Variants in CUL3 observed in about 807,000 individuals in gnomAD.
The protein encoded by CUL3 is cullin-3.
Under a neutral mutation model 89.1 loss-of-function variants are expected in CUL3, and 19 were observed. That is an observed-to-expected ratio of 0.21 (90% CI 0.15 to 0.31). CUL3 has a LOEUF of 0.31. Among genes scored for constraint, CUL3 ranks in the 10% least tolerant of loss-of-function variants. The pLI is 1.00. For missense variants in CUL3, 469 were observed against 942.3 expected, an observed-to-expected ratio of 0.50 and a Z score of 6.58; for synonymous variants, 351 against 308.4, an observed-to-expected ratio of 1.14 and a Z score of -1.45.
At chr2:224,543,454 G>GT (rs1300119192) in intron 2 of CUL3, among the ~76,000 whole-genome samples, 1 of 152,116 alleles carries the variant, frequency 6.6e-6, no homozygotes, top group African/African-American at 2.4e-5. Context: ...TAAATCTATA[G>GT]TATTTTAACA....
intron 1 of CUL3, among the ~76,000 whole-genome samples, chr2:224,577,166 T>C (rs1031249092): frequency 6.6e-6 from 1 of 152,252 alleles, no homozygotes; most frequent in Non-Finnish European, 1.5e-5. Context: ...AGTTCTATTT[T>C]AAAGCTTTAT....
In CUL3 at chr2:224,585,298, C is replaced by T. The variant is rs538985622; in HGVS notation, c.-289G>A. On this transcript the variant is annotated 5_prime_UTR_variant, in exon 1 of 16. Coordinates refer to ENST00000264414, the MANE Select transcript of CUL3 (RefSeq NM_003590.5). ...CCGGCTCGGCTCCCTTTATCGCGCT[C>T]CTCCGCGATGGCGGCGGCGGCGGCG... The T allele has an allele frequency of 2.1e-3, 855 of 401,188 alleles. 9 individuals are homozygous for T. The highest frequency in any genetic ancestry group is 8.9e-3 in the African/African-American group (431 of 48,486). 24.9% of individuals were successfully genotyped at this position (401,188 alleles called of 1,614,324 possible). A position where few individuals can be genotyped will look rare whatever the true frequency, so the allele number is the denominator to read the frequency against.
At chr2:224,572,422 A>C (rs1202280148) in intron 1 of CUL3, among the ~76,000 whole-genome samples, 1 of 151,584 alleles carries the variant, frequency 6.6e-6, no homozygotes, top group African/African-American at 2.4e-5. Flanking sequence ...AAGTGTGTGG[A>C]TCATTTCAGC....
intron 13 of CUL3, among the ~76,000 whole-genome samples, chr2:224,491,504 T>C (rs1691975053): frequency 6.6e-6 from 1 of 152,216 alleles, no homozygotes; most frequent in Admixed American, 6.5e-5. Context: ...AATCATATTA[T>C]CTACAGATTT....
chr2:224,579,275 C>T (rs913268231), intron 1 of CUL3, among the ~76,000 whole-genome samples: 2 of 152,114 alleles, frequency 1.3e-5, no homozygotes, highest in Non-Finnish European at 2.9e-5. Flanking sequence ...GAATCTGTTT[C>T]ACTTTGTTTC....
chr2:224,521,272 T>C (rs1302912086), intron 3 of CUL3, among the ~76,000 whole-genome samples: 1 of 152,196 alleles, frequency 6.6e-6, no homozygotes, highest in Non-Finnish European at 1.5e-5. Flanking sequence ...TAACTATGAG[T>C]AAACAGGTGT....
intron 2 of CUL3, among the ~76,000 whole-genome samples, chr2:224,539,768 CAA>C (rs796875829): frequency 5.4e-5 from 7 of 130,466 alleles, no homozygotes; most frequent in Admixed American, 7.7e-5. Context: ...AAAGAGAGAG[CAA>C]AAAAAAAAAA....
chr2:224,563,145 T>C, intron 1 of CUL3: 1 of 432,964 alleles, frequency 2.3e-6, no homozygotes, highest in South Asian at 1.8e-5. Context: ...AATATACAGA[T>C]ATGAGCTAAA....
At chr2:224,533,369 C>A (rs1479635093) in intron 3 of CUL3, among the ~76,000 whole-genome samples, 1 of 151,924 alleles carries the variant, frequency 6.6e-6, no homozygotes, top group Non-Finnish European at 1.5e-5. Flanking sequence ...ATATTATTTT[C>A]ATTTTATAGA....
intron 13 of CUL3, among the ~76,000 whole-genome samples, chr2:224,491,227 A>G (rs1035508075): frequency 1.3e-5 from 2 of 152,178 alleles, no homozygotes; most frequent in African/African-American, 4.8e-5. Flanking sequence ...ACTTTTAAAA[A>G]CAGCACACTT....
intron 1 of CUL3, among the ~76,000 whole-genome samples, chr2:224,575,034 G>C (rs1042198131): frequency 6.6e-6 from 1 of 152,190 alleles, no homozygotes; most frequent in African/African-American, 2.4e-5. Context: ...ACAGGAAAAA[G>C]ACATTTTCCT....
chr2:224,570,725 C>T (rs1449963874), intron 1 of CUL3, among the ~76,000 whole-genome samples: 10 of 152,140 alleles, frequency 6.6e-5, no homozygotes. Flanking sequence ...GATCGACATT[C>T]AATTGGGCTC....
At chr2:224,555,130 A>G (rs1694654702) in intron 2 of CUL3, among the ~76,000 whole-genome samples, 1 of 152,166 alleles carries the variant, frequency 6.6e-6, no homozygotes, top group Non-Finnish European at 1.5e-5. Flanking sequence ...GCATCTTACT[A>G]TGATCTCACA....
chr2:224,555,664 C>G (rs534728824), intron 2 of CUL3, among the ~76,000 whole-genome samples: 10 of 152,292 alleles, frequency 6.6e-5, no homozygotes, highest in Admixed American at 1.3e-4. Context: ...TACTTACCAC[C>G]TAAGTTTAAC....
At chr2:224,488,370 C>A (rs186161729) in intron 13 of CUL3, among the ~76,000 whole-genome samples, 293 of 151,812 alleles carry the variant, frequency 1.9e-3, no homozygotes, top group African/African-American at 6.5e-3. Flanking sequence ...GATAAGACTG[C>A]TAACCAGACT....
chr2:224,551,189 GCCA>G (rs1401319017), intron 2 of CUL3, among the ~76,000 whole-genome samples: 1 of 150,176 alleles, frequency 6.7e-6, no homozygotes, highest in Non-Finnish European at 1.5e-5. Context: ...ACAGGTGTGT[GCCA>G]CCAAGCCCGG....
chr2:224,571,232 C>G (rs1244927855), intron 1 of CUL3, among the ~76,000 whole-genome samples: 1 of 151,938 alleles, frequency 6.6e-6, no homozygotes, highest in Non-Finnish European at 1.5e-5. Flanking sequence ...ACTTACAGAC[C>G]CTCTATATTA....
intron 1 of CUL3, among the ~76,000 whole-genome samples, chr2:224,582,710 G>A (rs1304090311): frequency 6.6e-6 from 1 of 152,096 alleles, no homozygotes; most frequent in African/African-American, 2.4e-5. Context: ...ATCACACAAC[G>A]TTATTATACT....
At chr2:224,554,346 T>C (rs1694625462) in intron 2 of CUL3, among the ~76,000 whole-genome samples, 1 of 152,222 alleles carries the variant, frequency 6.6e-6, no homozygotes, top group Non-Finnish European at 1.5e-5. Context: ...GGATATTATT[T>C]CCAACTCCAT....
Sources: allele counts gnomAD v4.1 joint callset (sites outside exome capture counted in the v4.1 genomes callset), GRCh38; gene constraint gnomAD v4.1.1; transcripts MANE v1.5; gene names NCBI Gene and HGNC (gene_info 2026-07-23, HGNC 2026-07-21).